KHDRBS2: variants seen among roughly 807,000 people sequenced by gnomAD.
KHDRBS2 encodes KH domain-containing, RNA-binding, signal transduction-associated protein 2.
A neutral mutation model predicts 44.3 loss-of-function variants in KHDRBS2; 26 were observed. That is an observed-to-expected ratio of 0.59 (90% CI 0.43 to 0.81). KHDRBS2 has a LOEUF of 0.81. KHDRBS2 is among the 40% of genes least tolerant of loss of function. The probability of loss-of-function intolerance (pLI) is 0.00; values close to 1 mark genes in which losing one functional copy is unlikely to be tolerated. For missense variants in KHDRBS2, 476 were observed against 433.1 expected, an observed-to-expected ratio of 1.10 and a Z score of -0.88; for synonymous variants, 194 against 151.1, an observed-to-expected ratio of 1.28 and a Z score of -2.08.
chr6:61,753,769 C>T (rs1465540507), intron 6 of KHDRBS2, among the ~76,000 whole-genome samples: 1 of 152,048 alleles, frequency 6.6e-6, no homozygotes, highest in Non-Finnish European at 1.5e-5. Flanking sequence ...TGTCCACATC[C>T]CCATCCCAGG....
At chr6:62,237,953 C>T (rs1833964466) in intron 1 of KHDRBS2, among the ~76,000 whole-genome samples, 1 of 150,932 alleles carries the variant, frequency 6.6e-6, no homozygotes. Context: ...GCAGGAGAAT[C>T]ACTTGAACCT....
intron 6 of KHDRBS2, among the ~76,000 whole-genome samples, chr6:61,767,296 C>A (rs1282620508): frequency 6.6e-6 from 1 of 151,702 alleles, no homozygotes; most frequent in Non-Finnish European, 1.5e-5. Flanking sequence ...TTTTGGATTC[C>A]ATTTGCATAG....
intron 7 of KHDRBS2, among the ~76,000 whole-genome samples, chr6:61,710,856 T>G (rs144047405): frequency 7.2e-6 from 1 of 139,602 alleles, no homozygotes; most frequent in African/African-American, 2.7e-5. Flanking sequence ...TAACATCTAG[T>G]ATGCATAAGC....
intron 7 of KHDRBS2, among the ~76,000 whole-genome samples, chr6:61,701,647 GA>G (rs1768692998): frequency 6.6e-6 from 1 of 151,944 alleles, no homozygotes; most frequent in Non-Finnish European, 1.5e-5. Context: ...TTAACTCCCA[GA>G]AAAGAGAACT....
At chr6:61,657,675 C>T in the KHDRBS2 span, among the ~76,000 whole-genome samples, 1 of 151,946 alleles carries the variant, frequency 6.6e-6, no homozygotes. Context: ...TTGGTGACTT[C>T]AGTGCTCCCT....
At chr6:62,164,111 G>T (rs1333961124) in intron 2 of KHDRBS2, among the ~76,000 whole-genome samples, 1 of 151,754 alleles carries the variant, frequency 6.6e-6, no homozygotes, top group Non-Finnish European at 1.5e-5. Context: ...CATGTCTGGG[G>T]TTAAATTTTC....
chr6:62,073,595 C>T (rs1220106508), intron 2 of KHDRBS2, among the ~76,000 whole-genome samples: 3 of 122,900 alleles, frequency 2.4e-5, no homozygotes, highest in Non-Finnish European at 5.1e-5. Context: ...CTTCTGTTTG[C>T]TTGCTTTGGT....
chr6:62,056,002 C>T (rs1790201296), intron 2 of KHDRBS2, among the ~76,000 whole-genome samples: 1 of 151,978 alleles, frequency 6.6e-6, no homozygotes, highest in Non-Finnish European at 1.5e-5. Context: ...CATAGAATAT[C>T]CTGGAGCTCT....
chr6:61,602,914 A>G, the KHDRBS2 span, among the ~76,000 whole-genome samples: 22 of 152,118 alleles, frequency 1.4e-4, no homozygotes, highest in African/African-American at 5.3e-4. Context: ...TTCCTAGGCT[A>G]TAGCCACACG....
chr6:62,004,456 C>A (rs1365783675), intron 3 of KHDRBS2, among the ~76,000 whole-genome samples: 1 of 152,010 alleles, frequency 6.6e-6, no homozygotes, highest in East Asian at 1.9e-4. Flanking sequence ...CCTTCCTAAA[C>A]CAGGAAGACA....
chr6:62,062,232 C>A (rs539801259), intron 2 of KHDRBS2, among the ~76,000 whole-genome samples: 4 of 149,068 alleles, frequency 2.7e-5, no homozygotes, highest in Admixed American at 6.8e-5. Context: ...GACAGAAAGT[C>A]AGCAAGGATA....
intron 2 of KHDRBS2, among the ~76,000 whole-genome samples, chr6:62,054,993 C>A (rs1789940707): frequency 6.6e-6 from 1 of 151,942 alleles, no homozygotes; most frequent in African/African-American, 2.4e-5. Flanking sequence ...AACAGAAAAA[C>A]TAAATTCTAG....
chr6:61,745,803 A>T (rs1776776145), intron 6 of KHDRBS2, among the ~76,000 whole-genome samples: 2 of 152,132 alleles, frequency 1.3e-5, no homozygotes, highest in Admixed American at 1.3e-4. Flanking sequence ...AATTATTTAT[A>T]TAGTGCCTTG....
At chr6:62,281,765 A>G (rs1442411298) in intron 1 of KHDRBS2, among the ~76,000 whole-genome samples, 3 of 152,084 alleles carry the variant, frequency 2.0e-5, no homozygotes, top group Non-Finnish European at 4.4e-5. Flanking sequence ...TTCCTGTTAT[A>G]TAGATGAAGA....
At chr6:61,912,754 T>C (rs1228773655) in intron 4 of KHDRBS2, among the ~76,000 whole-genome samples, 3 of 152,134 alleles carry the variant, frequency 2.0e-5, no homozygotes, top group Non-Finnish European at 2.9e-5. Flanking sequence ...CTCTGCAAAA[T>C]AGACATACAT....
At chr6:61,559,693 C>T in the KHDRBS2 span, among the ~76,000 whole-genome samples, 1 of 152,084 alleles carries the variant, frequency 6.6e-6, no homozygotes, top group African/African-American at 2.4e-5. Context: ...AGCAAATAGA[C>T]AACTTATAAA....
chr6:61,862,158 C>T (rs1797081311), intron 6 of KHDRBS2, among the ~76,000 whole-genome samples: 1 of 152,028 alleles, frequency 6.6e-6, no homozygotes, highest in South Asian at 2.1e-4. Context: ...GAAACCTTTG[C>T]AACCAAAGGT....
intron 6 of KHDRBS2, among the ~76,000 whole-genome samples, chr6:61,861,211 A>C (rs1469314627): frequency 6.6e-6 from 1 of 152,044 alleles, no homozygotes; most frequent in Non-Finnish European, 1.5e-5. Context: ...GAAGCTCTTT[A>C]GTTTAATTAG....
Position 61,730,824 on chromosome 6 carries a change from A to ATG in KHDRBS2, c.893+1856_893+1857dup, listed in dbSNP as rs750635059. Among the ~76,000 whole-genome samples the ATG allele has an allele frequency of 8.0e-3, 1,201 of 150,504 alleles. 6 individuals carry two copies. The highest frequency in any genetic ancestry group is 0.016 in the East Asian group (84 of 5,120). ...ATTATTGTATACAGCCATTATATAT[A>ATG]TGTGTGTGTGTGTGTGTGTTCAACA... On this transcript the variant is annotated intron_variant, in intron 7 of 8. Transcript: ENST00000281156.
Sources: allele counts gnomAD v4.1 joint callset (sites outside exome capture counted in the v4.1 genomes callset), GRCh38; gene constraint gnomAD v4.1.1; transcripts MANE v1.5; gene names NCBI Gene and HGNC (gene_info 2026-07-23, HGNC 2026-07-21).